The following EPHB1 variants were observed in gnomAD, a reference collection of about 807,000 sequenced individuals.
The protein encoded by EPHB1 is EPH receptor B1, also known as ephrin type-B receptor 1.
A neutral mutation model predicts 94.4 loss-of-function variants in EPHB1; 30 were observed. The observed-to-expected ratio is 0.32, with a 90% CI of 0.24 to 0.43. EPHB1 has a LOEUF of 0.43. Among genes scored for constraint, EPHB1 ranks in the 20% least tolerant of loss-of-function variants. The pLI is 1.00. For missense variants in EPHB1, 1,055 were observed against 1,308.3 expected, an observed-to-expected ratio of 0.81 and a Z score of 2.99; for synonymous variants, 522 against 489.1, an observed-to-expected ratio of 1.07 and a Z score of -0.89.
At chr3:135,234,731 AAGG>A (rs910082530) in intron 12 of EPHB1, among the ~76,000 whole-genome samples, 3 of 152,208 alleles carry the variant, frequency 2.0e-5, no homozygotes, top group Non-Finnish European at 4.4e-5. Context: ...TGGTGGCAGG[AAGG>A]AGAAGTGCTG....
chr3:135,180,240 A>G (rs758430369), intron 10 of EPHB1, among the ~76,000 whole-genome samples: 6 of 152,208 alleles, frequency 3.9e-5, no homozygotes, highest in African/African-American at 7.2e-5. Context: ...AGTTTTATAG[A>G]TTCAGAAATA....
intron 4 of EPHB1, among the ~76,000 whole-genome samples, chr3:135,109,971 C>T (rs142679108): frequency 3.3e-5 from 5 of 152,292 alleles, no homozygotes; most frequent in African/African-American, 4.8e-5. Flanking sequence ...GGAACACACT[C>T]GGAGGTGAAC....
intron 1 of EPHB1, among the ~76,000 whole-genome samples, chr3:134,896,416 T>TTAACAGAAACACTGAGACCA: frequency 6.6e-6 from 1 of 152,308 alleles, no homozygotes; most frequent in African/African-American, 2.4e-5. Flanking sequence ...TTATTGAGGA[T>TTAACAGAAACACTGAGACCA]TAACAGAAAC....
intron 3 of EPHB1, among the ~76,000 whole-genome samples, chr3:135,057,000 G>T (rs1260282942): frequency 6.6e-6 from 1 of 152,170 alleles, no homozygotes; most frequent in South Asian, 2.1e-4. Context: ...GTGGCAGTAT[G>T]GAGAGTCCCC....
chr3:135,198,810 A>T (rs561976367), intron 11 of EPHB1, among the ~76,000 whole-genome samples: 1 of 152,170 alleles, frequency 6.6e-6, no homozygotes, highest in African/African-American at 2.4e-5. Flanking sequence ...CCAGAACCCT[A>T]TGAAGAACGG....
At chr3:135,178,287 T>G (rs2107704183) in intron 9 of EPHB1, among the ~76,000 whole-genome samples, 1 of 151,136 alleles carries the variant, frequency 6.6e-6, no homozygotes, top group Non-Finnish European at 1.5e-5. Flanking sequence ...GGAACCCCAT[T>G]TGTACTGGAA....
intron 15 of EPHB1, among the ~76,000 whole-genome samples, chr3:135,251,505 AAATT>A: frequency 6.6e-6 from 1 of 152,238 alleles, no homozygotes. Context: ...GTGAAACTAT[AAATT>A]AAGGGATTTC....
At chr3:134,920,708 A>G (rs1417630479) in intron 1 of EPHB1, among the ~76,000 whole-genome samples, 1 of 152,138 alleles carries the variant, frequency 6.6e-6, no homozygotes, top group African/African-American at 2.4e-5. Flanking sequence ...CCCAAATGTC[A>G]GTATATCCAA....
intron 12 of EPHB1, among the ~76,000 whole-genome samples, chr3:135,230,969 T>C (rs1576485943): frequency 1.3e-5 from 2 of 152,212 alleles, no homozygotes; most frequent in Admixed American, 1.3e-4. Context: ...CGACCCACCA[T>C]TGATGAGCAC....
intron 3 of EPHB1, among the ~76,000 whole-genome samples, chr3:135,071,871 A>G (rs1463327064): frequency 6.6e-6 from 1 of 152,100 alleles, no homozygotes; most frequent in Non-Finnish European, 1.5e-5. Context: ...ACTTTTTACC[A>G]TCTCAATAAA....
intron 1 of EPHB1, among the ~76,000 whole-genome samples, chr3:134,880,536 C>T (rs191831988): frequency 1.8e-3 from 272 of 152,306 alleles, no homozygotes; most frequent in African/African-American, 6.2e-3. Flanking sequence ...ACAAGGAGTC[C>T]CTTCATGGAG....
At chr3:135,166,135 G>A (rs201333517) in intron 8 of EPHB1, 59 bp downstream of exon 8, 79 of 1,325,370 alleles carry the variant, frequency 6.0e-5, no homozygotes, top group Middle Eastern at 1.8e-4. Context: ...TCCATGTGCC[G>A]TTTCCCAGGC....
Position 135,241,287 on chromosome 3 carries a change from C to T in EPHB1, c.2486C>T (p.Ser829Phe), listed in dbSNP as rs1943777108. 1 of 1,614,150 alleles carries T rather than the reference C, an allele frequency of 6.2e-7. No homozygotes were observed. The highest frequency in any genetic ancestry group is 8.5e-7 in the Non-Finnish European group (1 of 1,180,006). Residue 829 changes from serine to phenylalanine, a missense_variant, in exon 13 of 16, where the codon TCC (serine) becomes TTC (phenylalanine). Transcript: ENST00000398015. ...GGAGAGAGACCCTATTGGGATATGT[C>T]CAACCAAGATGTGAGTGTCAGCAGC... is the stretch of plus-strand genomic sequence containing the variant. ...SFGERPYWDM[S>F]NQDVINAIEQ...
chr3:135,006,995 G>A (rs760015716), intron 3 of EPHB1, among the ~76,000 whole-genome samples: 7 of 152,186 alleles, frequency 4.6e-5, no homozygotes, highest in Non-Finnish European at 1.0e-4. Flanking sequence ...GAATGGAGGT[G>A]AGACCCAATG....
chr3:135,167,696 C>T (rs955007874), intron 9 of EPHB1, among the ~76,000 whole-genome samples: 9 of 152,198 alleles, frequency 5.9e-5, no homozygotes, highest in African/African-American at 2.2e-4. Context: ...GGCCACCTTC[C>T]TGCCTCCAGA....
At chr3:135,220,527 T>C (rs540042949) in intron 12 of EPHB1, among the ~76,000 whole-genome samples, 2 of 151,400 alleles carry the variant, frequency 1.3e-5, no homozygotes, top group South Asian at 2.1e-4. Flanking sequence ...CTCAAAGCCA[T>C]GGATTCTGCT....
chr3:134,875,713 G>A (rs1411551896), intron 1 of EPHB1, among the ~76,000 whole-genome samples: 2 of 152,142 alleles, frequency 1.3e-5, no homozygotes. Flanking sequence ...TAAGTGAGAT[G>A]ATTATTGTGT....
intron 15 of EPHB1, among the ~76,000 whole-genome samples, chr3:135,255,260 G>C (rs1219439426): frequency 6.6e-6 from 1 of 151,986 alleles, no homozygotes; most frequent in Non-Finnish European, 1.5e-5. Flanking sequence ...GCTAGCTTTT[G>C]AATGTGTTTG....
At chr3:135,046,678 T>G (rs552661796) in intron 3 of EPHB1, among the ~76,000 whole-genome samples, 1 of 152,314 alleles carries the variant, frequency 6.6e-6, no homozygotes, top group African/African-American at 2.4e-5. Context: ...TCAGAAATTC[T>G]GGGGGTGGGG....
Sources: allele counts gnomAD v4.1 joint callset (sites outside exome capture counted in the v4.1 genomes callset), GRCh38; gene constraint gnomAD v4.1.1; transcripts MANE v1.5; gene names NCBI Gene and HGNC (gene_info 2026-07-23, HGNC 2026-07-21).